The following TOX variants were observed in gnomAD, a reference collection of about 807,000 sequenced individuals.
TOX encodes thymocyte selection-associated high mobility group box protein TOX.
Under a neutral mutation model 53.7 loss-of-function variants are expected in TOX, and 11 were observed. That is an observed-to-expected ratio of 0.20 (90% CI 0.13 to 0.34). The LOEUF (loss-of-function observed/expected upper bound fraction) is 0.34. Among genes scored for constraint, TOX ranks in the 10% least tolerant of loss-of-function variants. The pLI is 1.00. For missense variants in TOX, 570 were observed against 664.6 expected (o/e 0.86, Z 1.56); for synonymous variants, 225 against 245.3 (o/e 0.92, Z 0.77).
intron 1 of TOX, among the ~76,000 whole-genome samples, chr8:59,057,037 C>G (rs918038865): frequency 6.6e-6 from 1 of 152,160 alleles, no homozygotes. Context: ...TAACGTAGTT[C>G]TTTCCTCCCA....
chr8:58,900,625 A>C (rs569552852), intron 3 of TOX, among the ~76,000 whole-genome samples: 2 of 152,280 alleles, frequency 1.3e-5, no homozygotes, highest in African/African-American at 4.8e-5. Context: ...ATGTACTTTC[A>C]GTAGCTGGTG....
At chr8:58,852,456 A>C (rs979947156) in intron 3 of TOX, among the ~76,000 whole-genome samples, 1 of 152,212 alleles carries the variant, frequency 6.6e-6, no homozygotes, top group African/African-American at 2.4e-5. Flanking sequence ...TAAAATTGCA[A>C]GGTCAACATA....
intron 7 of TOX, among the ~76,000 whole-genome samples, chr8:58,814,090 G>A (rs1810131386): frequency 6.6e-6 from 1 of 152,140 alleles, no homozygotes; most frequent in Non-Finnish European, 1.5e-5. Context: ...AGAAGAGGTG[G>A]TGTATTAAAA....
chr8:59,106,624 T>C (rs542524121), intron 1 of TOX, among the ~76,000 whole-genome samples: 5 of 152,278 alleles, frequency 3.3e-5, no homozygotes, highest in East Asian at 1.9e-4. Context: ...TGCAGAGATA[T>C]GGAGCTAAGC....
chr8:58,890,122 CTCT>C (rs1230836671), intron 3 of TOX, among the ~76,000 whole-genome samples: 1 of 152,010 alleles, frequency 6.6e-6, no homozygotes, highest in Non-Finnish European at 1.5e-5. Flanking sequence ...ATATTTTTTG[CTCT>C]TATTAACCAA....
intron 1 of TOX, among the ~76,000 whole-genome samples, chr8:59,011,238 T>C (rs1019783640): frequency 6.6e-6 from 1 of 152,210 alleles, no homozygotes; most frequent in Non-Finnish European, 1.5e-5. Flanking sequence ...CTGCCACCAA[T>C]GTGATTTCAA....
intron 3 of TOX, among the ~76,000 whole-genome samples, chr8:58,866,998 G>A (rs1811114552): frequency 6.6e-6 from 1 of 152,184 alleles, no homozygotes; most frequent in African/African-American, 2.4e-5. Context: ...TGAGGGAAAA[G>A]TGAGAAACTT....
At chr8:58,935,193 G>A (rs192527388) in intron 3 of TOX, among the ~76,000 whole-genome samples, 1 of 151,840 alleles carries the variant, frequency 6.6e-6, no homozygotes, top group Non-Finnish European at 1.5e-5. Context: ...TGATATATAA[G>A]TAACACATCT....
intron 1 of TOX, among the ~76,000 whole-genome samples, chr8:59,051,649 G>A (rs11778369): frequency 6.6e-6 from 1 of 152,064 alleles, no homozygotes; most frequent in Non-Finnish European, 1.5e-5. Flanking sequence ...CTAAGTCTTA[G>A]CAAACAAATA....
chr8:59,038,688 G>A (rs1178885772), intron 1 of TOX, among the ~76,000 whole-genome samples: 2 of 152,174 alleles, frequency 1.3e-5, no homozygotes, highest in African/African-American at 4.8e-5. Context: ...CCCCAGGCTC[G>A]CTAATTAACA....
chr8:58,822,425 A>C (rs918881485), intron 6 of TOX, among the ~76,000 whole-genome samples: 1 of 152,190 alleles, frequency 6.6e-6, no homozygotes, highest in Non-Finnish European at 1.5e-5. Context: ...TCTGACCAGC[A>C]CTGTGTTTGC....
At chr8:58,995,203 G>C (rs537309759) in intron 1 of TOX, among the ~76,000 whole-genome samples, 102 of 152,282 alleles carry the variant, frequency 6.7e-4, no homozygotes, top group African/African-American at 2.5e-3. Flanking sequence ...AAAGGTCTTG[G>C]AGTATAGCAT....
At chr8:58,815,843 G>A (rs751597074) in intron 6 of TOX, 119 bp from the exon 7 acceptor site, 32 of 1,102,944 alleles carry the variant, frequency 2.9e-5, no homozygotes, top group South Asian at 3.6e-5. Flanking sequence ...TGACTATCCC[G>A]GACTCTCTGA....
At chr8:58,825,960 T>C (rs1476804891) in intron 6 of TOX, among the ~76,000 whole-genome samples, 1 of 152,218 alleles carries the variant, frequency 6.6e-6, no homozygotes, top group African/African-American at 2.4e-5. Context: ...TAAGACTGGA[T>C]TAGACAAATA....
chr8:58,848,203 A>G (rs902151910), intron 4 of TOX, among the ~76,000 whole-genome samples: 4 of 152,076 alleles, frequency 2.6e-5, no homozygotes, highest in African/African-American at 9.6e-5. Flanking sequence ...ACCTCTATAT[A>G]GCTGTATTCC....
At chr8:58,860,070 A>G (rs553024632) in intron 3 of TOX, among the ~76,000 whole-genome samples, 11 of 152,174 alleles carry the variant, frequency 7.2e-5, no homozygotes, top group Non-Finnish European at 1.5e-4. Flanking sequence ...ATTTATATCT[A>G]TAAACAACTG....
At chr8:58,829,486 A>G (rs1055210602) in intron 5 of TOX, among the ~76,000 whole-genome samples, 2 of 152,244 alleles carry the variant, frequency 1.3e-5, no homozygotes, top group Admixed American at 6.5e-5. Flanking sequence ...TGATGGATAC[A>G]CTCTTTCCTG....
chr8:59,015,428 C>T (rs1813989507), intron 1 of TOX, among the ~76,000 whole-genome samples: 1 of 152,140 alleles, frequency 6.6e-6, no homozygotes, highest in South Asian at 2.1e-4. Flanking sequence ...ATAAATATAC[C>T]CACTATCTCT....
At chr8:59,071,040 C>A (rs1804190508) in intron 1 of TOX, among the ~76,000 whole-genome samples, 1 of 152,176 alleles carries the variant, frequency 6.6e-6, no homozygotes, top group Non-Finnish European at 1.5e-5. Context: ...GAATGACTAC[C>A]AGCTACATTA....
Sources: gnomAD v4.1 joint callset for allele counts (sites outside exome capture counted in the v4.1 genomes callset) on GRCh38, gnomAD v4.1.1 for gene constraint, MANE v1.5 for transcripts, NCBI Gene and HGNC (gene_info 2026-07-23, HGNC 2026-07-21) for gene names.